The following SUPT3H variants were observed in gnomAD, a reference collection of about 807,000 sequenced individuals.
The protein encoded by SUPT3H is SPT3 homolog, SAGA and STAGA complex component.
A neutral mutation model predicts 44.3 loss-of-function variants in SUPT3H; 44 were observed. The observed-to-expected ratio is 0.99, with a 90% CI of 0.78 to 1.28. The LOEUF (loss-of-function observed/expected upper bound fraction) is 1.28. SUPT3H is among the 50% of genes most tolerant of loss of function. The probability of loss-of-function intolerance (pLI) is 0.00; values close to 1 mark genes in which losing one functional copy is unlikely to be tolerated. For synonymous variants in SUPT3H, 124 were observed against 125.6 expected, an observed-to-expected ratio of 0.99 and a Z score of 0.09; for missense variants, 380 against 387.1, an observed-to-expected ratio of 0.98 and a Z score of 0.15.
At chr6:45,273,401 C>G (rs1776520707) in intron 2 of SUPT3H, among the ~76,000 whole-genome samples, 1 of 152,118 alleles carries the variant, frequency 6.6e-6, no homozygotes, top group Admixed American at 6.6e-5. Context: ...CACCATTCTA[C>G]CACCCAAGCT....
At chr6:45,023,308 G>A (rs548732789) in intron 3 of SUPT3H, among the ~76,000 whole-genome samples, 1 of 151,906 alleles carries the variant, frequency 6.6e-6, no homozygotes, top group South Asian at 2.1e-4. Flanking sequence ...TGGAGAAAAG[G>A]GAACACTTAT....
intron 9 of SUPT3H, among the ~76,000 whole-genome samples, chr6:44,951,426 T>C (rs1210922090): frequency 2.6e-5 from 4 of 152,154 alleles, no homozygotes; most frequent in Admixed American, 2.6e-4. Context: ...GTATTTGATG[T>C]ACAGGCCCTT....
At chr6:44,988,985 T>C (rs1780224503) in intron 6 of SUPT3H, among the ~76,000 whole-genome samples, 1 of 152,182 alleles carries the variant, frequency 6.6e-6, no homozygotes, top group Non-Finnish European at 1.5e-5. Context: ...AATTTTCTTA[T>C]AGATGTCTCA....
At chr6:44,912,923 TAC>T (rs969569084) in intron 10 of SUPT3H, among the ~76,000 whole-genome samples, 1 of 152,188 alleles carries the variant, frequency 6.6e-6, no homozygotes, top group African/African-American at 2.4e-5. Flanking sequence ...GCACTGATAA[TAC>T]ACTAGGAATT....
rs532705195 is a variant in SUPT3H, at chr6:45,046,178, T to G, written c.187-25546A>C. On this transcript the variant is annotated intron_variant, in intron 3 of 10. Coordinates refer to ENST00000371459, the MANE Select transcript of SUPT3H (RefSeq NM_003599.4). ...CCAGTTGCTTCAGCACCATTTGTTATAAATAACCTTTCCCCATTAAATTAT... is the reference window on the plus strand; with the variant it reads ...CCAGTTGCTTCAGCACCATTTGTTAGAAATAACCTTTCCCCATTAAATTAT... 7.9e-5 allele frequency among the ~76,000 whole-genome samples: 12 copies of G among 152,342 alleles called. No individual in the cohort carries two copies. The East Asian group carries it at 2.1e-3, about 27-fold the overall frequency.
chr6:45,224,204 G>A (rs1290112006), intron 2 of SUPT3H, among the ~76,000 whole-genome samples: 1 of 151,466 alleles, frequency 6.6e-6, no homozygotes, highest in Non-Finnish European at 1.5e-5. Context: ...CACTATACAG[G>A]TTTTCCTGTT....
intron 2 of SUPT3H, among the ~76,000 whole-genome samples, chr6:45,348,095 T>C (rs955989897): frequency 3.9e-5 from 6 of 152,092 alleles, no homozygotes; most frequent in African/African-American, 1.4e-4. Flanking sequence ...TAGCTTATAG[T>C]TTTTACGTTA....
chr6:44,899,880 A>C (rs1381530089), intron 10 of SUPT3H, among the ~76,000 whole-genome samples: 2 of 152,170 alleles, frequency 1.3e-5, no homozygotes, highest in African/African-American at 2.4e-5. Context: ...GCTGGAAACT[A>C]AGGGTGTCTG....
intron 6 of SUPT3H, among the ~76,000 whole-genome samples, chr6:44,990,193 C>T (rs1056086381): frequency 5.5e-5 from 8 of 145,316 alleles, no homozygotes; most frequent in East Asian, 2.0e-4. Flanking sequence ...ATTTTTTTTT[C>T]GCATGTGGAT....
At chr6:45,314,588 C>T (rs1005680094) in intron 2 of SUPT3H, among the ~76,000 whole-genome samples, 5 of 152,102 alleles carry the variant, frequency 3.3e-5, no homozygotes, top group Admixed American at 6.6e-5. Flanking sequence ...ACAAAGGAGT[C>T]GAAAGACCTC....
chr6:45,098,309 A>G (rs1798078306), intron 3 of SUPT3H: 2 of 155,094 alleles, frequency 1.3e-5, no homozygotes, highest in African/African-American at 4.8e-5. Context: ...CCAGGTTAAT[A>G]ATGCAGAACT....
intron 10 of SUPT3H, among the ~76,000 whole-genome samples, chr6:44,867,397 T>C (rs571815162): frequency 1.3e-5 from 2 of 152,124 alleles, no homozygotes; most frequent in South Asian, 4.2e-4. Flanking sequence ...CGCCTCGGCC[T>C]CCCACCTTTT....
intron 2 of SUPT3H, among the ~76,000 whole-genome samples, chr6:45,210,826 C>T (rs1037297373): frequency 2.0e-5 from 3 of 152,244 alleles, no homozygotes; most frequent in Admixed American, 1.3e-4. Flanking sequence ...GACTTCATTG[C>T]GGTGGTCTGG....
At chr6:45,113,844 A>AT (rs1800441384) in intron 2 of SUPT3H, among the ~76,000 whole-genome samples, 1 of 151,378 alleles carries the variant, frequency 6.6e-6, no homozygotes, top group South Asian at 2.1e-4. Flanking sequence ...AAAAAAAAAA[A>AT]AAATCAAATA....
At chr6:44,947,397 A>G (rs1274829674) in intron 9 of SUPT3H, among the ~76,000 whole-genome samples, 1 of 152,188 alleles carries the variant, frequency 6.6e-6, no homozygotes, top group East Asian at 1.9e-4. Flanking sequence ...CTTCATATGT[A>G]CAGCATTTTC....
At chr6:44,915,592 A>G (rs1582468964) in intron 10 of SUPT3H, among the ~76,000 whole-genome samples, 3 of 152,162 alleles carry the variant, frequency 2.0e-5, no homozygotes, top group South Asian at 4.2e-4. Context: ...ATCAACACAG[A>G]CCTTAAGTCT....
intron 10 of SUPT3H, among the ~76,000 whole-genome samples, chr6:44,890,491 C>T (rs1247581463): frequency 2.6e-5 from 4 of 151,396 alleles, no homozygotes; most frequent in Admixed American, 1.3e-4. Context: ...TCATCATTCT[C>T]AGTAAACTAT....
intron 6 of SUPT3H, among the ~76,000 whole-genome samples, chr6:44,992,802 G>A (rs1780771931): frequency 1.3e-5 from 2 of 152,074 alleles, no homozygotes; most frequent in South Asian, 4.1e-4. Context: ...GATTAATCCT[G>A]CTATAAAATT....
chr6:44,937,142 T>C (rs1264579105), intron 9 of SUPT3H, among the ~76,000 whole-genome samples: 2 of 152,120 alleles, frequency 1.3e-5, no homozygotes, highest in Non-Finnish European at 2.9e-5. Context: ...TTCCTTTGAC[T>C]AGATACCCAG....
Sources: gnomAD v4.1 joint callset for allele counts (sites outside exome capture counted in the v4.1 genomes callset) on GRCh38, gnomAD v4.1.1 for gene constraint, MANE v1.5 for transcripts, NCBI Gene and HGNC (gene_info 2026-07-23, HGNC 2026-07-21) for gene names.